ZNF536: variants seen among roughly 807,000 people sequenced by gnomAD.
ZNF536 encodes the protein zinc finger protein 536.
A neutral mutation model predicts 84.5 loss-of-function variants in ZNF536; 13 were observed. The ratio of observed to expected loss-of-function variants is 0.15; its 90% CI spans 0.10 to 0.24. The LOEUF (loss-of-function observed/expected upper bound fraction) is 0.24, where lower values mean the gene tolerates loss of function less well. Among genes scored for constraint, ZNF536 ranks in the 10% least tolerant of loss-of-function variants. The pLI is 1.00. For missense variants in ZNF536, 1,536 were observed against 1,747.5 expected (o/e 0.88, Z 2.16); for synonymous variants, 811 against 742.5 (o/e 1.09, Z -1.50).
chr19:30,345,000 A>G (rs1261086227), intron 2 of ZNF536, among the ~76,000 whole-genome samples: 1 of 152,228 alleles, frequency 6.6e-6, no homozygotes, highest in African/African-American at 2.4e-5. Context: ...ATCTTTTAAT[A>G]TAGCATCAAC....
intron 1 of ZNF536, among the ~76,000 whole-genome samples, chr19:30,405,903 G>A (rs1001353341): frequency 3.9e-5 from 6 of 151,916 alleles, no homozygotes; most frequent in South Asian, 2.1e-4. Flanking sequence ...TCAGCCTCCC[G>A]AGTAGCTGGG....
chr19:30,463,394 C>T (rs2053244772), intron 2 of ZNF536, among the ~76,000 whole-genome samples: 1 of 152,138 alleles, frequency 6.6e-6, no homozygotes. Context: ...GCCCTGCCTT[C>T]CAGTATGCAG....
At chr19:30,504,695 G>A (rs1568493748) in intron 2 of ZNF536, among the ~76,000 whole-genome samples, 2 of 144,906 alleles carry the variant, frequency 1.4e-5, no homozygotes, top group African/African-American at 2.6e-5. Context: ...CCTCCCATGA[G>A]TACCCACCCA....
chr19:30,398,269 C>T (rs1246999412), intron 1 of ZNF536, among the ~76,000 whole-genome samples: 5 of 152,184 alleles, frequency 3.3e-5, no homozygotes, highest in East Asian at 1.9e-4. Flanking sequence ...ATATCCCCTC[C>T]GTGCCCCAAC....
At chr19:30,707,517 G>T (rs528050801) in intron 1 of ZNF536, among the ~76,000 whole-genome samples, 1 of 152,252 alleles carries the variant, frequency 6.6e-6, no homozygotes, top group East Asian at 1.9e-4. Context: ...GGCCCCTCGT[G>T]CTAGCTGTGC....
intron 1 of ZNF536, among the ~76,000 whole-genome samples, chr19:30,279,500 G>C (rs1359251465): frequency 6.6e-6 from 1 of 152,208 alleles, no homozygotes; most frequent in Non-Finnish European, 1.5e-5. Flanking sequence ...GTCTGAGAAA[G>C]AGAGAATCAC....
chr19:30,284,422 C>T (rs1361391295), intron 2 of ZNF536, among the ~76,000 whole-genome samples: 1 of 152,234 alleles, frequency 6.6e-6, no homozygotes. Context: ...CCCTATCTGC[C>T]AGCCAGCAGC....
chr19:30,487,133 G>T (rs2054331598), intron 2 of ZNF536, among the ~76,000 whole-genome samples: 2 of 152,208 alleles, frequency 1.3e-5, no homozygotes, highest in East Asian at 3.8e-4. Flanking sequence ...CCCATCAGGA[G>T]TAATGACACG....
chr19:30,376,148 G>T (rs12610333), intron 1 of ZNF536, among the ~76,000 whole-genome samples: 50,863 of 151,920 alleles, frequency 0.33, 8,869 homozygotes, highest in Middle Eastern at 0.53. Flanking sequence ...TGGCTCCATG[G>T]GTACCAAGGT....
chr19:30,549,407 A>C lies in ZNF536; in HGVS notation c.3788A>C (p.Asn1263Thr), dbSNP rs1405227908. 11 of 1,592,096 alleles carry C rather than the reference A, an allele frequency of 6.9e-6. No individual in the cohort carries two copies. Among genetic ancestry groups the C allele is most frequent in the Non-Finnish European group, 9.4e-6 (11 of 1,169,036 alleles). The change falls in exon 4 of 5, where the codon AAC becomes ACC. Residue 1263 changes from asparagine to threonine, a missense_variant. Physicochemically the swap from Asn to Thr is moderately conservative, Grantham distance 65 (BLOSUM62 0). This residue lies in a region of ZNF536 where 624 missense variants were observed against 603.1 expected (regional missense o/e 1.03). Coordinates refer to ENST00000355537, the MANE Select transcript of ZNF536 (RefSeq NM_014717.3). ...CCCCAGAGCCTGGACAAGCCGATGA[A>C]CATGCTGTCGGTCCTCAGGGCCTAC... ...RGPQSLDKPM[N>T]MLSVLRAYSS... is the part of the protein sequence containing the mutation.
At chr19:30,234,397 CTTTTTT>C (rs5827694) in intron 1 of ZNF536, among the ~76,000 whole-genome samples, 13 of 82,394 alleles carry the variant, frequency 1.6e-4, no homozygotes, top group African/African-American at 6.1e-4. Context: ...AGGCTCCTTC[CTTTTTT>C]TTTTTTTTTT....
chr19:30,466,070 G>T (rs1001584802), intron 2 of ZNF536, among the ~76,000 whole-genome samples: 4 of 152,048 alleles, frequency 2.6e-5, no homozygotes, highest in Admixed American at 1.3e-4. Context: ...TAAAAAATTA[G>T]CTGGGTCTGG....
rs115135004 is a variant in ZNF536, at chr19:30,504,582, C to T, written c.2171-30265C>T. Reference sequence around the variant, plus strand: ...CCTCCTTCCCTCTCTCCCACCCTTCCTCCTTCCCTCTCTCCAACTCTTCCT... The same window carrying T: ...CCTCCTTCCCTCTCTCCCACCCTTCTTCCTTCCCTCTCTCCAACTCTTCCT... On this transcript the variant is annotated intron_variant, in intron 2 of 4. Coordinates refer to ENST00000355537, the MANE Select transcript of ZNF536 (RefSeq NM_014717.3). 9.4e-3 allele frequency among the ~76,000 whole-genome samples: 1,309 copies of T among 139,892 alleles called. 31 individuals carry two copies. The highest frequency in any genetic ancestry group is 0.034 in the African/African-American group (1,222 of 36,320). 91.8% of individuals were successfully genotyped at this position (139,892 alleles called of 152,430 possible).
intron 1 of ZNF536, among the ~76,000 whole-genome samples, chr19:30,615,386 C>T (rs1032268558): frequency 1.1e-4 from 17 of 152,078 alleles, no homozygotes; most frequent in Admixed American, 2.0e-4. Flanking sequence ...TTAAATAATT[C>T]TTCTTTATCC....
rs1174435550 is a variant in ZNF536 at position 30,426,238 on chromosome 19, C to T, written c.-2-17323C>T. 2.6e-5 allele frequency among the ~76,000 whole-genome samples: 4 copies of T among 152,194 alleles called. No individual in the cohort carries two copies. In the East Asian group the frequency reaches 7.7e-4, roughly 29 times the overall value. ...GACTTTAACGGCAATAAAATATCTG[C>T]TGTTTATGAGTAATTAGCCACTTCT... is the stretch of plus-strand genomic sequence containing the variant. On this transcript the variant is annotated intron_variant, in intron 1 of 4. Transcript: ENST00000355537.
chr19:30,483,906 C>T lies in ZNF536; in HGVS notation c.2170+38174C>T, dbSNP rs2054188806. Among the ~76,000 whole-genome samples the T allele has an allele frequency of 2.6e-5, 4 of 152,036 alleles. 1 individual carries two copies. The South Asian group carries it at 8.3e-4, about 32-fold the overall frequency. On this transcript the variant is annotated intron_variant, in intron 2 of 4. Coordinates refer to ENST00000355537, the MANE Select transcript of ZNF536 (RefSeq NM_014717.3). ...GTGGGGGTCTGACTCCTGCAAGTTT[C>T]CCCACCCTGTATTCCATCATTCCTC...
intron 2 of ZNF536, among the ~76,000 whole-genome samples, chr19:30,290,046 G>A (rs557894283): frequency 3.9e-5 from 6 of 151,998 alleles, no homozygotes; most frequent in Non-Finnish European, 7.4e-5. Context: ...CCCATTCCAG[G>A]TCGTGGCATC....
chr19:30,516,545 G>A lies in ZNF536; in HGVS notation c.2171-18302G>A, dbSNP rs147722892. 2.4e-4 allele frequency among the ~76,000 whole-genome samples: 37 copies of A among 152,284 alleles called. 1 individual carries two copies. The East Asian group carries it at 6.8e-3, about 28-fold the overall frequency. ...AAGAAGCCCTATGAAGAAAGCCCTG[G>A]AGGAGATGATAATGGCGCCTTTCAC... On this transcript the variant is annotated intron_variant, in intron 2 of 4. Coordinates refer to ENST00000355537, the MANE Select transcript of ZNF536 (RefSeq NM_014717.3).
At chr19:30,688,735 T>C (rs557398297) in intron 1 of ZNF536, among the ~76,000 whole-genome samples, 18 of 152,292 alleles carry the variant, frequency 1.2e-4, no homozygotes, top group Admixed American at 6.5e-4. Flanking sequence ...CCATATTTCA[T>C]TTAAGTGTGT....
Sources: allele counts gnomAD v4.1 joint callset (sites outside exome capture counted in the v4.1 genomes callset), GRCh38; gene constraint gnomAD v4.1.1; regional missense constraint gnomAD v4.1.1; transcripts MANE v1.5; gene names NCBI Gene and HGNC (gene_info 2026-07-23, HGNC 2026-07-21).